The following CTNNA3 variants were observed in gnomAD, a reference collection of about 807,000 sequenced individuals.
The protein encoded by CTNNA3 is catenin alpha-3.
Under a neutral mutation model 95.7 loss-of-function variants are expected in CTNNA3, and 76 were observed. That is an observed-to-expected ratio of 0.79 (90% CI 0.66 to 0.96). The LOEUF is 0.96. Ranked by LOEUF, CTNNA3 falls within the 40% of genes least tolerant of loss-of-function variation. The probability of loss-of-function intolerance (pLI) is 0.00; values close to 1 mark genes in which losing one functional copy is unlikely to be tolerated. For missense variants in CTNNA3, 1,191 were observed against 1,089.8 expected (o/e 1.09, Z -1.31); for synonymous variants, 431 against 374.4 (o/e 1.15, Z -1.74).
At chr10:66,224,642 T>C (rs918420946) in intron 13 of CTNNA3, among the ~76,000 whole-genome samples, 1 of 152,102 alleles carries the variant, frequency 6.6e-6, no homozygotes, top group Admixed American at 6.6e-5. Flanking sequence ...AATGAAGGAA[T>C]TCATCTATAC....
At chr10:66,294,886 CAGAGAGAG>C (rs35664400) in intron 12 of CTNNA3, among the ~76,000 whole-genome samples, 13 of 142,392 alleles carry the variant, frequency 9.1e-5, no homozygotes, top group African/African-American at 1.8e-4. Flanking sequence ...ACAGTCAGGA[CAGAGAGAG>C]AGAGAGAGAG....
chr10:66,978,315 C>T (rs149323330), intron 7 of CTNNA3, among the ~76,000 whole-genome samples: 33,732 of 151,136 alleles, frequency 0.22, 4,250 homozygotes, highest in Middle Eastern at 0.29. Context: ...TACTTGAGGT[C>T]AGGAGTTCGA....
intron 7 of CTNNA3, among the ~76,000 whole-genome samples, chr10:67,003,524 T>A (rs961577501): frequency 2.0e-5 from 3 of 152,204 alleles, no homozygotes; most frequent in Non-Finnish European, 2.9e-5. Flanking sequence ...CTTAGGATTC[T>A]CCTAATCTAT....
intron 13 of CTNNA3, among the ~76,000 whole-genome samples, chr10:66,212,777 G>A (rs909485546): frequency 5.3e-5 from 8 of 152,212 alleles, no homozygotes; most frequent in Admixed American, 5.2e-4. Flanking sequence ...GCCAAGGTGG[G>A]CAGATTACTT....
At chr10:66,320,561 C>T (rs1430829080) in intron 12 of CTNNA3, among the ~76,000 whole-genome samples, 9 of 152,222 alleles carry the variant, frequency 5.9e-5, no homozygotes, top group African/African-American at 2.2e-4. Flanking sequence ...CCCTGAGGAG[C>T]ATGACACATT....
chr10:66,608,608 A>G (rs1353124884), intron 10 of CTNNA3, among the ~76,000 whole-genome samples: 1 of 152,128 alleles, frequency 6.6e-6, no homozygotes, highest in Non-Finnish European at 1.5e-5. Flanking sequence ...AATGGAATAG[A>G]ATAGAGTATC....
At chr10:66,461,673 T>TTATA (rs146890107) in intron 11 of CTNNA3, among the ~76,000 whole-genome samples, 16 of 146,054 alleles carry the variant, frequency 1.1e-4, no homozygotes, top group African/African-American at 2.7e-4. Flanking sequence ...TGCACTCACG[T>TTATA]TATATATATA....
intron 11 of CTNNA3, among the ~76,000 whole-genome samples, chr10:66,402,826 A>G (rs1365216165): frequency 6.6e-6 from 1 of 152,032 alleles, no homozygotes; most frequent in African/African-American, 2.4e-5. Context: ...AGAAACTTGG[A>G]CCCCCACAGG....
intron 5 of CTNNA3, among the ~76,000 whole-genome samples, chr10:67,508,238 C>T (rs1219955143): frequency 1.3e-5 from 2 of 152,070 alleles, no homozygotes; most frequent in Non-Finnish European, 2.9e-5. Context: ...TCTCAGACTC[C>T]TGACCTCAAG....
intron 11 of CTNNA3, among the ~76,000 whole-genome samples, chr10:66,471,252 A>G (rs1053472391): frequency 6.6e-6 from 1 of 151,856 alleles, no homozygotes; most frequent in African/African-American, 2.4e-5. Flanking sequence ...TCATATTTTT[A>G]TAATGTATAT....
At chr10:65,996,182 A>G (rs906009562) in intron 15 of CTNNA3, among the ~76,000 whole-genome samples, 4 of 152,176 alleles carry the variant, frequency 2.6e-5, no homozygotes, top group African/African-American at 9.7e-5. Context: ...AGCAGCAGCC[A>G]TGGGGAGAGC....
chr10:66,759,851 G>C (rs1283610104), intron 9 of CTNNA3, among the ~76,000 whole-genome samples: 1 of 152,124 alleles, frequency 6.6e-6, no homozygotes, highest in Non-Finnish European at 1.5e-5. Flanking sequence ...TGAAATTATA[G>C]TGTTTGGGGT....
intron 5 of CTNNA3, among the ~76,000 whole-genome samples, chr10:67,411,376 A>C (rs752403183): frequency 1.3e-5 from 2 of 152,148 alleles, no homozygotes; most frequent in Non-Finnish European, 2.9e-5. Context: ...GGTTAATTTA[A>C]TATGACCAAA....
Position 65,919,953 on chromosome 10 carries a change from T to G in CTNNA3, c.*377A>C, listed in dbSNP as rs532278055. 6.0e-5 allele frequency: 10 copies of G among 167,118 alleles called. No homozygotes were observed. The highest frequency in any genetic ancestry group is 1.0e-4 in the Non-Finnish European group (8 of 78,016). 10.4% of individuals were successfully genotyped at this position (167,118 alleles called of 1,614,324 possible). A position where few individuals can be genotyped will look rare whatever the true frequency, so the allele number is the denominator to read the frequency against. ...TAAAAAACCAAGTTAGGAGCTCATG[T>G]TAGTGTTTTAATTCAAGATAAGGAT... On this transcript the variant is annotated 3_prime_UTR_variant, in exon 18 of 18. Coordinates refer to ENST00000433211, the MANE Select transcript of CTNNA3 (RefSeq NM_013266.4).
chr10:65,960,570 C>A (rs557587011), intron 17 of CTNNA3, among the ~76,000 whole-genome samples: 1 of 152,254 alleles, frequency 6.6e-6, no homozygotes, highest in South Asian at 2.1e-4. Context: ...AGTTTTGTTA[C>A]AAGGGTATAT....
At chr10:66,909,081 T>C (rs904352960) in intron 7 of CTNNA3, among the ~76,000 whole-genome samples, 6 of 152,134 alleles carry the variant, frequency 3.9e-5, no homozygotes, top group Non-Finnish European at 5.9e-5. Context: ...AAGGTCCTCA[T>C]TGAAAGCCCA....
chr10:66,118,273 A>G (rs2082423701), intron 13 of CTNNA3: 1 of 151,708 alleles, frequency 6.6e-6, no homozygotes, highest in Non-Finnish European at 1.5e-5. Flanking sequence ...CTCTGTTACT[A>G]CTCCCTTTGG....
At position 66,325,748 on chromosome 10, in the gene CTNNA3, T is replaced by C. The variant is rs192677781; in HGVS notation, c.1733-45127A>G. ...AGGGACTCTAAGTGGGGTCCTGCTATTAGAAACATTAAATCTAGGACTGAA... is the reference window on the plus strand; with the variant it reads ...AGGGACTCTAAGTGGGGTCCTGCTACTAGAAACATTAAATCTAGGACTGAA... On this transcript the variant is annotated intron_variant, in intron 12 of 17. Transcript: ENST00000433211. 5.0e-3 allele frequency among the ~76,000 whole-genome samples: 739 copies of C among 146,748 alleles called. 8 individuals are homozygous for C. Among genetic ancestry groups the C allele is most frequent in the Middle Eastern group, 0.014 (4 of 288 alleles).
At chr10:66,162,020 T>G (rs2084876492) in intron 13 of CTNNA3, among the ~76,000 whole-genome samples, 1 of 152,142 alleles carries the variant, frequency 6.6e-6, no homozygotes, top group Admixed American at 6.5e-5. Context: ...ATTCTGCATT[T>G]CCGAAAGTGT....
Sources: gnomAD v4.1 joint callset for allele counts (sites outside exome capture counted in the v4.1 genomes callset) on GRCh38, gnomAD v4.1.1 for gene constraint, MANE v1.5 for transcripts, NCBI Gene and HGNC (gene_info 2026-07-23, HGNC 2026-07-21) for gene names.